The following VAV2 variants were observed in gnomAD, a reference collection of about 807,000 sequenced individuals.
VAV2 encodes vav guanine nucleotide exchange factor 2, also known as guanine nucleotide exchange factor VAV2.
A neutral mutation model predicts 132.5 loss-of-function variants in VAV2; 67 were observed. That is an observed-to-expected ratio of 0.51 (90% CI 0.42 to 0.62). The LOEUF (loss-of-function observed/expected upper bound fraction) is 0.62, where lower values mean the gene tolerates loss of function less well. Among genes scored for constraint, VAV2 ranks in the 20% least tolerant of loss-of-function variants. The pLI, the probability that VAV2 is intolerant of heterozygous loss-of-function variation, is 0.00. For missense variants in VAV2, 938 were observed against 1,153.6 expected (o/e 0.81, Z 2.71); for synonymous variants, 492 against 443.5 (o/e 1.11, Z -1.37).
At chr9:133,842,240 C>A (rs1836753166) in intron 3 of VAV2, among the ~76,000 whole-genome samples, 1 of 152,160 alleles carries the variant, frequency 6.6e-6, no homozygotes, top group Non-Finnish European at 1.5e-5. Context: ...TTGGCCGGTA[C>A]AGAAAGAAAG....
At chr9:133,944,817 C>T (rs1476469013) in intron 1 of VAV2, among the ~76,000 whole-genome samples, 1 of 152,246 alleles carries the variant, frequency 6.6e-6, no homozygotes, top group Non-Finnish European at 1.5e-5. Context: ...GCAGGAGGAG[C>T]GTGGGGCCGG....
chr9:133,950,463 C>T (rs1008704483), intron 1 of VAV2, among the ~76,000 whole-genome samples: 2 of 152,162 alleles, frequency 1.3e-5, no homozygotes, highest in Non-Finnish European at 2.9e-5. Flanking sequence ...TCCCCTGAAG[C>T]CCTCCAAGGA....
intron 3 of VAV2, among the ~76,000 whole-genome samples, chr9:133,853,535 A>C (rs1473897443): frequency 1.3e-5 from 2 of 152,074 alleles, no homozygotes; most frequent in African/African-American, 4.8e-5. Context: ...GTTCCATCTG[A>C]CAAGCACCCA....
At chr9:133,937,502 G>A (rs1160546298) in intron 2 of VAV2, among the ~76,000 whole-genome samples, 17 of 32,192 alleles carry the variant, frequency 5.3e-4, no homozygotes, top group Middle Eastern at 0.023. Context: ...GAGTGTGTGC[G>A]TGTGAGTGTG....
intron 1 of VAV2, among the ~76,000 whole-genome samples, chr9:133,985,619 G>C (rs998975516): frequency 2.6e-5 from 4 of 152,140 alleles, no homozygotes; most frequent in African/African-American, 9.7e-5. Flanking sequence ...CCACTACCAA[G>C]GAACCAGAGC....
intron 1 of VAV2, among the ~76,000 whole-genome samples, chr9:133,982,001 A>G (rs770888802): frequency 1.9e-4 from 29 of 152,234 alleles, no homozygotes; most frequent in Non-Finnish European, 3.4e-4. Flanking sequence ...TTTAGATACA[A>G]ATGGAACAGT....
At chr9:133,990,999 G>A (rs1842997693) in intron 1 of VAV2, among the ~76,000 whole-genome samples, 1 of 152,202 alleles carries the variant, frequency 6.6e-6, no homozygotes, top group African/African-American at 2.4e-5. Context: ...AAAGGGCAGA[G>A]GCCTCGCTGC....
At chr9:133,861,178 G>C (rs560345096) in intron 3 of VAV2, 196 bp downstream of exon 3, 1 of 512,626 alleles carries the variant, frequency 2.0e-6, no homozygotes, top group East Asian at 3.3e-5. Context: ...AGATTTCCCC[G>C]GTGTGAGCTG....
At chr9:133,943,571 C>A (rs1841249651) in intron 1 of VAV2, among the ~76,000 whole-genome samples, 1 of 152,208 alleles carries the variant, frequency 6.6e-6, no homozygotes, top group Non-Finnish European at 1.5e-5. Flanking sequence ...GTGGCCACAG[C>A]AAGGGTCTGT....
intron 1 of VAV2, among the ~76,000 whole-genome samples, chr9:133,942,946 G>A (rs577580792): frequency 2.0e-5 from 3 of 152,302 alleles, no homozygotes; most frequent in African/African-American, 4.8e-5. Context: ...GCTCCACCTC[G>A]AGGGAGGCCA....
chr9:133,970,364 T>C (rs438210), intron 1 of VAV2, among the ~76,000 whole-genome samples: 78,630 of 152,052 alleles, frequency 0.52, 20,645 homozygotes, highest in East Asian at 0.73. Context: ...GGCTGGGGGA[T>C]GGCACCACGT....
In VAV2 at chr9:133,787,333, C is replaced by G. The variant is rs561111446; in HGVS notation, c.1408-73G>C. On this transcript the variant is annotated intron_variant, in intron 15 of 29. Transcript: ENST00000371850. ...CTAAGCCCGGCCCTGTGGTGGGTGC[C>G]GCAGTGTGGAGGCGCCAGGAGCCCT... 4.8e-6 allele frequency: 7 copies of G among 1,464,336 alleles called. No homozygotes were observed. In the Admixed American group the frequency reaches 1.6e-4, roughly 33 times the overall value. 90.7% of individuals were successfully genotyped at this position (1,464,336 alleles called of 1,614,324 possible).
chr9:133,890,749 G>T (rs568446932), intron 2 of VAV2, among the ~76,000 whole-genome samples: 5 of 152,168 alleles, frequency 3.3e-5, no homozygotes, highest in African/African-American at 9.7e-5. Context: ...CATGGAACAC[G>T]GACGAGATGG....
At position 133,788,342 on chromosome 9, in the gene VAV2, G is replaced by A. The variant is rs183421750; in HGVS notation, c.1407+12C>T. ...CGTTCCTGGGTAGCAGGGGGGACCC[G>A]GAAGGCCCCACCTTCTTGACGTCCT... is the stretch of plus-strand genomic sequence containing the variant. On this transcript the variant is annotated intron_variant, in intron 15 of 29. Coordinates refer to ENST00000371850, the MANE Select transcript of VAV2 (RefSeq NM_001134398.2). This position sits in a 1 kb window ranked among gnomAD's most constrained non-coding sequence, Gnocchi z 5.3. The A allele has an allele frequency of 8.2e-3, 12,810 of 1,570,674 alleles. 67 individuals carry two copies. Among genetic ancestry groups the A allele is most frequent in the Non-Finnish European group, 1.0e-2 (11,486 of 1,149,000 alleles).
rs1184390398 is a variant in VAV2, at chr9:133,928,410, C to G, written c.321+10693G>C. 6.6e-6 allele frequency among the ~76,000 whole-genome samples: 1 copy of G among 152,178 alleles called. No homozygotes were observed. Among genetic ancestry groups the G allele is most frequent in the Non-Finnish European group, 1.5e-5 (1 of 68,028 alleles). On this transcript the variant is annotated intron_variant, in intron 2 of 29. Transcript: ENST00000371850. This position sits in a 1 kb window ranked among gnomAD's most constrained non-coding sequence, Gnocchi z 5.4. ...CTGCCGGGAGCCTGAGGCAGCTCCC[C>G]ACCCCAGCGAGGAGCGACTGCATTT... is the stretch of plus-strand genomic sequence containing the variant.
intron 19 of VAV2, among the ~76,000 whole-genome samples, chr9:133,782,134 A>G (rs1834033223): frequency 6.6e-6 from 1 of 152,164 alleles, no homozygotes. Flanking sequence ...GAAAGATTAC[A>G]AAAAAAGAAA....
chr9:133,932,298 G>C (rs1588389204), intron 2 of VAV2, among the ~76,000 whole-genome samples: 1 of 152,332 alleles, frequency 6.6e-6, no homozygotes, highest in South Asian at 2.1e-4. Context: ...GCGGGGAGCA[G>C]GGCCAACGGC....
intron 1 of VAV2, among the ~76,000 whole-genome samples, chr9:133,954,826 G>GTATGTA (rs1486288970): frequency 2.6e-5 from 4 of 152,118 alleles, no homozygotes; most frequent in Non-Finnish European, 5.9e-5. Flanking sequence ...TATGTGCAGT[G>GTATGTA]TGTGTCTGCA....
chr9:133,989,007 C>T lies in VAV2; in HGVS notation c.204+3068G>A, dbSNP rs113929224. Among the ~76,000 whole-genome samples, 69 of 151,844 alleles carry T rather than the reference C, an allele frequency of 4.5e-4. 1 individual carries two copies. The South Asian group carries it at 0.014, about 30-fold the overall frequency. Reference sequence around the variant, plus strand: ...CGGGTGGATCACAAGGACAGGAGTTCGAGCCCAGCCTGGCCAACACGGTAA... The same window carrying T: ...CGGGTGGATCACAAGGACAGGAGTTTGAGCCCAGCCTGGCCAACACGGTAA... On this transcript the variant is annotated intron_variant, in intron 1 of 29. Coordinates refer to ENST00000371850, the MANE Select transcript of VAV2 (RefSeq NM_001134398.2).
Sources: allele counts gnomAD v4.1 joint callset (sites outside exome capture counted in the v4.1 genomes callset), GRCh38; gene constraint gnomAD v4.1.1; non-coding constraint Gnocchi (gnomAD v3.1); transcripts MANE v1.5; gene names NCBI Gene and HGNC (gene_info 2026-07-23, HGNC 2026-07-21).